Variants in SNX9 observed in about 807,000 individuals in gnomAD.
The protein encoded by SNX9 is sorting nexin-9.
Under a neutral mutation model 89.4 loss-of-function variants are expected in SNX9, and 44 were observed. That is an observed-to-expected ratio of 0.49 (90% CI 0.39 to 0.63). SNX9 has a LOEUF of 0.63. Among genes scored for constraint, SNX9 ranks in the 30% least tolerant of loss-of-function variants. The pLI, the probability that SNX9 is intolerant of heterozygous loss-of-function variation, is 0.00. For synonymous variants in SNX9, 236 were observed against 247.8 expected, an observed-to-expected ratio of 0.95 and a Z score of 0.45; for missense variants, 578 against 736.1, an observed-to-expected ratio of 0.79 and a Z score of 2.49.
chr6:157,842,832 T>C (rs1781729202), intron 1 of SNX9, among the ~76,000 whole-genome samples: 1 of 152,186 alleles, frequency 6.6e-6, no homozygotes. Context: ...TTCAGACTCT[T>C]GGAGCCAGAG....
At chr6:157,931,913 A>G (rs2115208656) in intron 12 of SNX9, among the ~76,000 whole-genome samples, 1 of 152,356 alleles carries the variant, frequency 6.6e-6, no homozygotes, top group East Asian at 1.9e-4. Flanking sequence ...TAAGCTAGAA[A>G]TCATCTAAAG....
intron 1 of SNX9, among the ~76,000 whole-genome samples, chr6:157,843,807 T>A (rs1781747597): frequency 6.6e-6 from 1 of 152,116 alleles, no homozygotes; most frequent in Non-Finnish European, 1.5e-5. Flanking sequence ...TTAAATAGTT[T>A]GAAGACAATT....
At chr6:157,851,919 A>G (rs556496420) in intron 1 of SNX9, among the ~76,000 whole-genome samples, 1 of 152,220 alleles carries the variant, frequency 6.6e-6, no homozygotes, top group East Asian at 1.9e-4. Flanking sequence ...GCTTATTTCA[A>G]TTAGCGTAAT....
intron 12 of SNX9, among the ~76,000 whole-genome samples, 159 bp downstream of exon 12, chr6:157,928,861 T>C (rs2273070): frequency 0.29 from 43,662 of 151,978 alleles, 7,191 homozygotes; most frequent in African/African-American, 0.45. Flanking sequence ...TCACTTCACC[T>C]GAGTTAAACC....
intron 2 of SNX9, among the ~76,000 whole-genome samples, chr6:157,869,426 C>T (rs1031901817): frequency 6.6e-6 from 1 of 152,220 alleles, no homozygotes; most frequent in East Asian, 1.9e-4. Flanking sequence ...CCATGTGATG[C>T]TCAGCCTACT....
At chr6:157,920,081 G>T (rs1426850275) in intron 9 of SNX9, among the ~76,000 whole-genome samples, 1 of 152,214 alleles carries the variant, frequency 6.6e-6, no homozygotes, top group Non-Finnish European at 1.5e-5. Context: ...AGGCCAGTAA[G>T]TTGGGGCTCC....
intron 1 of SNX9, among the ~76,000 whole-genome samples, chr6:157,844,596 T>G (rs141335368): frequency 0.024 from 3,329 of 141,042 alleles, 166 homozygotes; most frequent in African/African-American, 0.086. Flanking sequence ...TGTTTTTTTT[T>G]TTTGTTTTTT....
At chr6:157,942,455 GA>G (rs2115226942) in intron 17 of SNX9, among the ~76,000 whole-genome samples, 1 of 152,354 alleles carries the variant, frequency 6.6e-6, no homozygotes, top group African/African-American at 2.4e-5. Context: ...CTCCAGGAAA[GA>G]GGGGGCTCTA....
chr6:157,939,682 G>T (rs375563667), intron 16 of SNX9, among the ~76,000 whole-genome samples: 1 of 152,162 alleles, frequency 6.6e-6, no homozygotes. Context: ...AGGCCACTAC[G>T]GCAAAAACGA....
chr6:157,901,134 G>A (rs941335286), intron 5 of SNX9, among the ~76,000 whole-genome samples: 1 of 152,200 alleles, frequency 6.6e-6, no homozygotes, highest in Non-Finnish European at 1.5e-5. Context: ...TCTGCAGGGG[G>A]AAGCACATCA....
intron 4 of SNX9, among the ~76,000 whole-genome samples, chr6:157,894,538 A>G (rs1180293937): frequency 6.6e-6 from 1 of 151,678 alleles, no homozygotes; most frequent in Non-Finnish European, 1.5e-5. Flanking sequence ...GGGCAGGGCT[A>G]ATAGGTGCTA....
rs1416456409 is a variant in SNX9, at chr6:157,826,789, TA to T, written c.12+3344del. Among the ~76,000 whole-genome samples the T allele has an allele frequency of 1.3e-4, 15 of 118,032 alleles. 2 individuals are homozygous for T. Among genetic ancestry groups the T allele is most frequent in the South Asian group, 2.2e-4 (1 of 4,448 alleles). 77.4% of individuals were successfully genotyped at this position (118,032 alleles called of 152,430 possible). A position where few individuals can be genotyped will look rare whatever the true frequency, so the allele number is the denominator to read the frequency against. ...TATGATATATAAATATATTATATTA[TA>T]TATATATATTATATTTTATATATAA... is the stretch of plus-strand genomic sequence containing the variant. On this transcript the variant is annotated intron_variant, in intron 1 of 17. Coordinates refer to ENST00000392185, the MANE Select transcript of SNX9 (RefSeq NM_016224.5).
At chr6:157,924,636 T>C (rs1219605607) in intron 10 of SNX9, 2 of 153,048 alleles carry the variant, frequency 1.3e-5, no homozygotes, top group Non-Finnish European at 2.9e-5. Flanking sequence ...ACAAAGGTCA[T>C]TTCTTATTTA....
intron 7 of SNX9, among the ~76,000 whole-genome samples, chr6:157,909,059 C>G (rs1306294084): frequency 7.2e-5 from 11 of 152,132 alleles, no homozygotes; most frequent in Non-Finnish European, 1.3e-4. Context: ...CCCCTCCCCC[C>G]ACCTTGCCAC....
chr6:157,902,879 G>T (rs1007261285), intron 6 of SNX9, among the ~76,000 whole-genome samples: 1 of 151,814 alleles, frequency 6.6e-6, no homozygotes, highest in Non-Finnish European at 1.5e-5. Flanking sequence ...CGTTGGCCAG[G>T]CTGGTCTCAA....
At chr6:157,882,880 C>G (rs969852404) in intron 4 of SNX9, among the ~76,000 whole-genome samples, 6 of 152,116 alleles carry the variant, frequency 3.9e-5, no homozygotes, top group African/African-American at 1.4e-4. Flanking sequence ...TTAGAATATT[C>G]CATAAACTTA....
intron 1 of SNX9, among the ~76,000 whole-genome samples, chr6:157,848,761 G>A (rs1297930002): frequency 1.3e-5 from 2 of 152,208 alleles, no homozygotes; most frequent in South Asian, 2.1e-4. Context: ...CACAAGCAAC[G>A]ATAGTACAGC....
intron 14 of SNX9, among the ~76,000 whole-genome samples, chr6:157,936,431 C>T (rs6940339): frequency 0.22 from 32,918 of 152,024 alleles, 3,632 homozygotes; most frequent in Non-Finnish European, 0.23. Flanking sequence ...ATTGCTTGAG[C>T]CCGGGAAGTC....
chr6:157,838,926 C>T (rs1781639647), intron 1 of SNX9, among the ~76,000 whole-genome samples: 1 of 152,164 alleles, frequency 6.6e-6, no homozygotes, highest in Admixed American at 6.5e-5. Context: ...TGGCCGAGGA[C>T]ATAGCGTCTT....
Sources: allele counts gnomAD v4.1 joint callset (sites outside exome capture counted in the v4.1 genomes callset), GRCh38; gene constraint gnomAD v4.1.1; transcripts MANE v1.5; gene names NCBI Gene and HGNC (gene_info 2026-07-23, HGNC 2026-07-21).